The following GEMIN5 variants were observed in gnomAD, a reference collection of about 807,000 sequenced individuals.
GEMIN5 encodes the protein gem nuclear organelle associated protein 5.
In GEMIN5, 124 loss-of-function variants were observed where a neutral mutation model predicts 176.9. That is an observed-to-expected ratio of 0.70 (90% CI 0.61 to 0.81). The LOEUF (loss-of-function observed/expected upper bound fraction) is 0.81, where lower values mean the gene tolerates loss of function less well. Ranked by LOEUF, GEMIN5 falls within the 40% of genes least tolerant of loss-of-function variation. The probability of loss-of-function intolerance (pLI) is 0.00; values close to 1 mark genes in which losing one functional copy is unlikely to be tolerated. For synonymous variants in GEMIN5, 673 were observed against 665.2 expected (o/e 1.01, Z -0.18); for missense variants, 1,843 against 1,814.6 (o/e 1.02, Z -0.28).
chr5:154,919,553 G>A (rs1763879286), intron 11 of GEMIN5, among the ~76,000 whole-genome samples: 1 of 152,120 alleles, frequency 6.6e-6, no homozygotes, highest in South Asian at 2.1e-4. Context: ...ATTTTGTCTT[G>A]AGTAAAACAC....
At position 154,896,157 on chromosome 5, in the gene GEMIN5, C is replaced by T; in HGVS notation, c.3532G>A (p.Glu1178Lys). The T allele has an allele frequency of 6.2e-7, 1 of 1,613,882 alleles. No homozygotes were observed. Among genetic ancestry groups the T allele is most frequent in the Non-Finnish European group, 8.5e-7 (1 of 1,179,900 alleles). ...ATGTTCTGCAGCTTCTGAAAGGCTTCCTGATACTGCTCAGGGGTGTCAAGG... is the reference window on the plus strand; with the variant it reads ...ATGTTCTGCAGCTTCTGAAAGGCTTTCTGATACTGCTCAGGGGTGTCAAGG... ...FSLDTPEQYQ[E>K]AFQKLQNIKY... Residue 1178 changes from glutamate (E) to lysine (K), a missense_variant, in exon 24 of 28, where the codon GAA becomes AAA. Coordinates refer to ENST00000285873, the MANE Select transcript of GEMIN5 (RefSeq NM_015465.5).
chr5:154,937,134 G>GA lies in GEMIN5; in HGVS notation c.217dup (p.Ser73PhefsTer58). 6.2e-7 allele frequency: 1 copy of GA among 1,613,762 alleles called. No homozygotes were observed. Among genetic ancestry groups the GA allele is most frequent in the Non-Finnish European group, 8.5e-7 (1 of 1,179,722 alleles). ...GAGGTTGTACTGACCAGGGTGATGAGAAAATGTGAAGCCAGAGACCCTTTC... is the reference window on the plus strand; with the variant it reads ...GAGGTTGTACTGACCAGGGTGATGAGAAAAATGTGAAGCCAGAGACCCTTTC... On this transcript the variant is annotated frameshift_variant, in exon 2 of 28. Coordinates refer to ENST00000285873, the MANE Select transcript of GEMIN5 (RefSeq NM_015465.5). LOFTEE classifies it high-confidence loss of function.
At chr5:154,909,726 C>G (rs982147623) in intron 15 of GEMIN5, among the ~76,000 whole-genome samples, 5 of 152,104 alleles carry the variant, frequency 3.3e-5, no homozygotes, top group African/African-American at 1.2e-4. Context: ...TGCCTATAAT[C>G]CCAGCACTTT....
At chr5:154,923,949 G>A (rs1232171811) in intron 9 of GEMIN5, among the ~76,000 whole-genome samples, 1 of 152,096 alleles carries the variant, frequency 6.6e-6, no homozygotes, top group Non-Finnish European at 1.5e-5. Context: ...AAGATGAACT[G>A]TATATGTAAC....
intron 6 of GEMIN5, 27 bp downstream of exon 6, chr5:154,928,500 G>C: frequency 1.2e-6 from 2 of 1,611,096 alleles, no homozygotes; most frequent in Non-Finnish European, 1.7e-6. Context: ...AAATATATCT[G>C]AGAAAGCATG....
chr5:154,904,637 T>G lies in GEMIN5; in HGVS notation c.2510-8A>C, dbSNP rs1231398675. On this transcript the variant is annotated splice_region_variant and splice_polypyrimidine_tract_variant and intron_variant, in intron 17 of 27. Transcript: ENST00000285873. ...TCTTCTTGATTAAGGTTTCTGAAAT[T>G]TAATAAAGTACATACTATCTGAAGG... 6.2e-7 allele frequency: 1 copy of G among 1,604,770 alleles called. No homozygotes were observed. Among genetic ancestry groups the G allele is most frequent in the African/African-American group, 1.3e-5 (1 of 74,792 alleles).
chr5:154,927,855 G>A (rs1465786412), intron 6 of GEMIN5, among the ~76,000 whole-genome samples: 1 of 151,818 alleles, frequency 6.6e-6, no homozygotes, highest in African/African-American at 2.4e-5. Flanking sequence ...GTTGGGCATG[G>A]TGGTGCACAT....
chr5:154,911,580 C>T (rs933729775), intron 15 of GEMIN5, 147 bp downstream of exon 15: 20 of 617,008 alleles, frequency 3.2e-5, no homozygotes, highest in Middle Eastern at 3.5e-4. Flanking sequence ...GTTCTCAAGC[C>T]CTTGTGGCTG....
chr5:154,897,621 A>C (rs1763376438), intron 23 of GEMIN5, among the ~76,000 whole-genome samples: 1 of 152,062 alleles, frequency 6.6e-6, no homozygotes, highest in Non-Finnish European at 1.5e-5. Flanking sequence ...TCAAGTAGCC[A>C]AATTACAGAT....
At chr5:154,913,644 G>A (rs890998484) in intron 13 of GEMIN5, among the ~76,000 whole-genome samples, 3 of 151,734 alleles carry the variant, frequency 2.0e-5, no homozygotes, top group Non-Finnish European at 4.4e-5. Flanking sequence ...TGGAAACCCT[G>A]ACTCTAAAAA....
At chr5:154,893,375 A>C (rs1486040843) in intron 24 of GEMIN5, among the ~76,000 whole-genome samples, 2 of 151,866 alleles carry the variant, frequency 1.3e-5, no homozygotes, top group Non-Finnish European at 2.9e-5. Flanking sequence ...GGTTGCAGTA[A>C]GCCACTACAC....
At chr5:154,925,060 C>T (rs929972231) in intron 8 of GEMIN5, among the ~76,000 whole-genome samples, 1 of 151,796 alleles carries the variant, frequency 6.6e-6, no homozygotes, top group Non-Finnish European at 1.5e-5. Context: ...TTCAAAAAAC[C>T]GACTGCAGAT....
intron 16 of GEMIN5, 68 bp from the exon 17 acceptor site, chr5:154,905,544 T>A: frequency 1.3e-6 from 1 of 748,352 alleles, no homozygotes; most frequent in Non-Finnish European, 2.2e-6. Context: ...CAGTTCTTTG[T>A]AAAAATTAAG....
At chr5:154,928,742 TC>T in intron 5 of GEMIN5, 83 bp from the exon 6 acceptor site, 1 of 1,250,580 alleles carries the variant, frequency 8.0e-7, no homozygotes, top group East Asian at 2.3e-5. Context: ...TAACACACAG[TC>T]TGCGCTGTAA....
rs1374763071 is a variant in GEMIN5 at position 154,936,010 on chromosome 5, TTGA to T, written c.337_339del (p.Ser113del). 6.3e-7 allele frequency: 1 copy of T among 1,597,316 alleles called. No individual in the cohort carries two copies. Among genetic ancestry groups the T allele is most frequent in the Non-Finnish European group, 8.5e-7 (1 of 1,173,454 alleles). ...TTTACTCGAGGAGACCAATGTAATG[TTGA>T]TATCGTATGCTTTAAAACAAAACAA... On this transcript the variant is annotated inframe_deletion, in exon 3 of 28. Transcript: ENST00000285873.
intron 14 of GEMIN5, 133 bp downstream of exon 14, chr5:154,912,766 A>G: frequency 4.0e-6 from 3 of 745,382 alleles, no homozygotes; most frequent in Admixed American, 3.0e-5. Context: ...AATGCCTCCT[A>G]GAGCCCAGAA....
chr5:154,903,485 CAA>C (rs1186980132), intron 18 of GEMIN5, among the ~76,000 whole-genome samples: 2 of 150,096 alleles, frequency 1.3e-5, no homozygotes, highest in African/African-American at 4.9e-5. Flanking sequence ...TCCTTTGCTT[CAA>C]AAAAAAAGTC....
chr5:154,909,009 C>T (rs1045204004), intron 15 of GEMIN5, among the ~76,000 whole-genome samples: 6 of 151,966 alleles, frequency 3.9e-5, no homozygotes, highest in African/African-American at 1.2e-4. Flanking sequence ...GGCTGGAGTG[C>T]GGTGGCAGAA....
rs748577308 is a variant in GEMIN5, at chr5:154,903,106, G to A, written c.2702C>T (p.Thr901Ile). ...TTCAATATCAATCATTCTATACAGGGTAGCCCTGTCTGTGAAAAGCCCCAG... is the reference window on the plus strand; with the variant it reads ...TTCAATATCAATCATTCTATACAGGATAGCCCTGTCTGTGAAAAGCCCCAG... The part of the protein sequence containing the change: ...FHLGLFTDRA[T>I]LYRMIDIEGK... Residue 901 changes from threonine to isoleucine, a missense_variant, in exon 19 of 28, where the codon ACC (threonine) becomes ATC (isoleucine). Thr to Ile is a moderately conservative substitution (Grantham distance 89). Coordinates refer to ENST00000285873, the MANE Select transcript of GEMIN5 (RefSeq NM_015465.5). The A allele has an allele frequency of 6.2e-6, 10 of 1,606,794 alleles. No homozygotes were observed. The South Asian group carries it at 8.8e-5, about 14-fold the overall frequency.
Sources: gnomAD v4.1 joint callset for allele counts (sites outside exome capture counted in the v4.1 genomes callset) on GRCh38, gnomAD v4.1.1 for gene constraint, MANE v1.5 for transcripts, NCBI Gene and HGNC (gene_info 2026-07-23, HGNC 2026-07-21) for gene names.